TTLL5: variants seen among roughly 807,000 people sequenced by gnomAD.
The protein encoded by TTLL5 is tubulin polyglutamylase TTLL5.
TTLL5 carries 132 observed loss-of-function variants against 168.4 expected under a neutral mutation model. That is an observed-to-expected ratio of 0.78 (90% CI 0.68 to 0.91). The LOEUF (loss-of-function observed/expected upper bound fraction) is 0.91. TTLL5 is among the 40% of genes least tolerant of loss of function. TTLL5 has a pLI of 0.00. For missense variants in TTLL5, 1,545 were observed against 1,581.5 expected (o/e 0.98, Z 0.39); for synonymous variants, 546 against 558.6 (o/e 0.98, Z 0.32).
At chr14:75,810,554 G>T (rs1423521471) in intron 27 of TTLL5, among the ~76,000 whole-genome samples, 1 of 151,904 alleles carries the variant, frequency 6.6e-6, no homozygotes, top group Non-Finnish European at 1.5e-5. Flanking sequence ...ATTTTGTAGA[G>T]ATGGGGTCTC....
At chr14:75,810,739 T>G (rs183562838) in intron 27 of TTLL5, among the ~76,000 whole-genome samples, 1 of 152,334 alleles carries the variant, frequency 6.6e-6, no homozygotes, top group African/African-American at 2.4e-5. Flanking sequence ...ACATCCTTAG[T>G]GAACCTGAGA....
chr14:75,683,566 C>T lies in TTLL5; in HGVS notation c.281C>T (p.Thr94Ile). The change falls in exon 5 of 32, where the codon ACT (threonine) becomes ATT (isoleucine). Residue 94 changes from threonine (T) to isoleucine (I), a missense_variant. By Grantham distance (89) the Thr-to-Ile change is moderately conservative. Transcript: ENST00000298832. ...HGFHEVHPSSTDYNLMWTGSH... is the reference protein window; with the variant it reads ...HGFHEVHPSSIDYNLMWTGSH... ...TGCCCTCAGGTTCACCCAAGCAGCA[C>T]TGACTATAACCTAATGTGGACAGGA... 5.0e-6 allele frequency: 8 copies of T among 1,613,980 alleles called. No homozygotes were observed. Among genetic ancestry groups the T allele is most frequent in the Non-Finnish European group, 6.8e-6 (8 of 1,179,872 alleles).
chr14:75,785,217 T>C (rs1249693840), intron 26 of TTLL5, among the ~76,000 whole-genome samples: 2 of 147,018 alleles, frequency 1.4e-5, no homozygotes, highest in African/African-American at 5.1e-5. Context: ...ATTGTTGCTG[T>C]GCCGCCAGGC....
At chr14:75,721,097 C>T (rs1385275922) in intron 12 of TTLL5, among the ~76,000 whole-genome samples, 3 of 152,262 alleles carry the variant, frequency 2.0e-5, no homozygotes, top group East Asian at 1.9e-4. Flanking sequence ...TCCCATTTTC[C>T]GATGACTCCT....
intron 31 of TTLL5, among the ~76,000 whole-genome samples, chr14:75,943,448 G>A (rs1317263262): frequency 6.6e-6 from 1 of 152,222 alleles, no homozygotes; most frequent in African/African-American, 2.4e-5. Flanking sequence ...GCTAAATGGA[G>A]TGGAGAAGGG....
At chr14:75,681,203 C>T (rs1884585567) in intron 3 of TTLL5, among the ~76,000 whole-genome samples, 1 of 152,010 alleles carries the variant, frequency 6.6e-6, no homozygotes, top group South Asian at 2.1e-4. Context: ...TTGAGATATA[C>T]TGTAAAATAA....
chr14:75,711,202 G>T (rs1887052051), intron 9 of TTLL5: 1 of 152,140 alleles, frequency 6.6e-6, no homozygotes, highest in Admixed American at 6.6e-5. Flanking sequence ...AAGAAGTGTT[G>T]CAATTGTCCC....
chr14:75,674,339 A>G (rs776809010), intron 3 of TTLL5, among the ~76,000 whole-genome samples: 19 of 152,166 alleles, frequency 1.2e-4, no homozygotes, highest in Admixed American at 2.6e-4. Context: ...TCAATCTGCA[A>G]CTTTTCTTTT....
Position 75,775,936 on chromosome 14 carries a change from G to A in TTLL5, c.2283+306G>A, listed in dbSNP as rs149400476. 2.0e-5 allele frequency among the ~76,000 whole-genome samples: 3 copies of A among 152,350 alleles called. No individual in the cohort carries two copies. In the East Asian group the frequency reaches 5.8e-4, roughly 29 times the overall value. On this transcript the variant is annotated intron_variant, in intron 22 of 31. Coordinates refer to ENST00000298832, the MANE Select transcript of TTLL5 (RefSeq NM_015072.5). ...TGAGTCTGCACGGTTGTTAGTGCCT[G>A]TAGAAAGTGGCAAATTGACCATTGG... is the stretch of plus-strand genomic sequence containing the variant.
intron 2 of TTLL5, among the ~76,000 whole-genome samples, chr14:75,668,011 G>A (rs867648737): frequency 2.4e-4 from 37 of 151,798 alleles, no homozygotes; most frequent in African/African-American, 6.8e-4. Flanking sequence ...TGTCTGCCTC[G>A]GCCTCCCAAA....
At chr14:75,703,786 T>G (rs769492112) in intron 7 of TTLL5, among the ~76,000 whole-genome samples, 10 of 152,220 alleles carry the variant, frequency 6.6e-5, no homozygotes, top group Non-Finnish European at 1.5e-4. Flanking sequence ...TGTTTTTATC[T>G]TAGGTTCCCT....
intron 30 of TTLL5, among the ~76,000 whole-genome samples, chr14:75,886,469 G>C (rs2032127023): frequency 6.6e-6 from 1 of 152,088 alleles, no homozygotes; most frequent in African/African-American, 2.4e-5. Context: ...TTTTTTATGA[G>C]CACATTTGCT....
chr14:75,725,554 A>G (rs778696761), intron 12 of TTLL5, among the ~76,000 whole-genome samples: 1 of 152,232 alleles, frequency 6.6e-6, no homozygotes, highest in Non-Finnish European at 1.5e-5. Context: ...AGGTTAAATA[A>G]GTTGTCCTAG....
chr14:75,791,841 A>G (rs1208048111), intron 26 of TTLL5, among the ~76,000 whole-genome samples: 2 of 152,326 alleles, frequency 1.3e-5, no homozygotes, highest in East Asian at 3.9e-4. Context: ...TATTATTTCT[A>G]CTTTTCTGAG....
At chr14:75,877,050 G>A (rs567681150) in intron 29 of TTLL5, among the ~76,000 whole-genome samples, 1 of 152,148 alleles carries the variant, frequency 6.6e-6, no homozygotes, top group Non-Finnish European at 1.5e-5. Context: ...ACAATCTAAT[G>A]TGGGGAGAAT....
chr14:75,728,631 T>G (rs1384443048), intron 12 of TTLL5, among the ~76,000 whole-genome samples: 1 of 152,170 alleles, frequency 6.6e-6, no homozygotes, highest in Non-Finnish European at 1.5e-5. Context: ...AATTATGGAT[T>G]TGGTGTCCAG....
rs1885576257 is a variant in TTLL5 at position 75,693,078 on chromosome 14, T to G, written c.502+2756T>G. Among the ~76,000 whole-genome samples, 5 of 152,042 alleles carry G rather than the reference T, an allele frequency of 3.3e-5. No homozygotes were observed. The South Asian group carries it at 1.0e-3, about 32-fold the overall frequency. Reference sequence around the variant, plus strand: ...GAGAGGGTTAAATCAAGAACCCCAGTAGAAGGGTGAGCATTTGAAAGAGAA... The same window carrying G: ...GAGAGGGTTAAATCAAGAACCCCAGGAGAAGGGTGAGCATTTGAAAGAGAA... On this transcript the variant is annotated intron_variant, in intron 6 of 31. Transcript: ENST00000298832.
At chr14:75,701,647 T>G (rs4899572) in intron 7 of TTLL5, among the ~76,000 whole-genome samples, 152,259 of 152,260 alleles carry the variant, frequency 1, 76,129 homozygotes, top group Non-Finnish European at 1. Flanking sequence ...TGTGTACTGG[T>G]GATAAGGTAG....
intron 24 of TTLL5, among the ~76,000 whole-genome samples, chr14:75,781,363 A>G (rs1892039147): frequency 6.6e-6 from 1 of 152,164 alleles, no homozygotes; most frequent in Non-Finnish European, 1.5e-5. Context: ...TAGTATCTGG[A>G]GTCATTTCAA....
Sources: allele counts gnomAD v4.1 joint callset (sites outside exome capture counted in the v4.1 genomes callset), GRCh38; gene constraint gnomAD v4.1.1; transcripts MANE v1.5; gene names NCBI Gene and HGNC (gene_info 2026-07-23, HGNC 2026-07-21).